UMAD1: variants seen among roughly 807,000 people sequenced by gnomAD.
The protein encoded by UMAD1 is UBAP1-MVB12-associated (UMA)-domain containing protein 1.
Under a neutral mutation model 6.1 loss-of-function variants are expected in UMAD1, and 8 were observed. The ratio of observed to expected loss-of-function variants is 1.30; its 90% CI spans 0.76 to 2.35. UMAD1 has a LOEUF of 2.35. UMAD1 is among the 30% of genes most tolerant of loss of function. UMAD1 has a pLI of 0.00. For missense variants in UMAD1, 130 were observed against 78.4 expected (o/e 1.66, Z -2.49); for synonymous variants, 56 against 31.4 (o/e 1.78, Z -2.61).
chr7:7,788,374 C>A (rs149841216), intron 2 of UMAD1, among the ~76,000 whole-genome samples: 1 of 152,128 alleles, frequency 6.6e-6, no homozygotes, highest in Non-Finnish European at 1.5e-5. Context: ...TCTCTATCAT[C>A]ACATTTTACT....
chr7:7,681,343 A>G (rs1235184160), intron 2 of UMAD1, among the ~76,000 whole-genome samples: 1 of 152,192 alleles, frequency 6.6e-6, no homozygotes, highest in Non-Finnish European at 1.5e-5. Flanking sequence ...GAATCAACAC[A>G]TCATGACTTG....
chr7:7,711,788 C>T (rs1047107765), intron 2 of UMAD1, among the ~76,000 whole-genome samples: 1 of 151,984 alleles, frequency 6.6e-6, no homozygotes, highest in Non-Finnish European at 1.5e-5. Flanking sequence ...AATGAAGAGA[C>T]ATTTTGATGT....
chr7:7,656,997 T>C (rs567252502), intron 1 of UMAD1, among the ~76,000 whole-genome samples: 1 of 152,332 alleles, frequency 6.6e-6, no homozygotes, highest in South Asian at 2.1e-4. Context: ...GACTTTTTAA[T>C]GATCACCATT....
intron 1 of UMAD1, among the ~76,000 whole-genome samples, chr7:7,645,282 T>C (rs1366957535): frequency 1.3e-5 from 2 of 152,218 alleles, no homozygotes; most frequent in African/African-American, 4.8e-5. Context: ...TAAGTCAAGA[T>C]GGGGTTTAGC....
intron 2 of UMAD1, among the ~76,000 whole-genome samples, chr7:7,739,169 G>A (rs1267890424): frequency 1.7e-4 from 26 of 152,204 alleles, no homozygotes; most frequent in Admixed American, 1.7e-3. Flanking sequence ...TAGGAAATTA[G>A]CATAGTTTGT....
rs182760996 is a variant in UMAD1, at chr7:7,697,728, C to T, written c.82+24275C>T. 9.3e-4 allele frequency among the ~76,000 whole-genome samples: 141 copies of T among 152,260 alleles called. 1 individual carries two copies. The highest frequency in any genetic ancestry group is 1.7e-3 in the Non-Finnish European group (119 of 68,012). On this transcript the variant is annotated intron_variant, in intron 2 of 3. Coordinates refer to ENST00000682710, the MANE Select transcript of UMAD1 (RefSeq NM_001302348.2). ...TAAAATGCTTTAAATTATGGATCAT[C>T]AGGTAGTAAACTGGAGGATATGAGA... is the stretch of plus-strand genomic sequence containing the variant.
At chr7:7,716,820 C>T (rs138117365) in intron 2 of UMAD1, among the ~76,000 whole-genome samples, 2 of 152,230 alleles carry the variant, frequency 1.3e-5, no homozygotes, top group African/African-American at 4.8e-5. Flanking sequence ...GTGGCGGGCG[C>T]CCATAATCCC....
intron 2 of UMAD1, among the ~76,000 whole-genome samples, chr7:7,792,842 G>A (rs2115265429): frequency 6.6e-6 from 1 of 152,252 alleles, no homozygotes; most frequent in South Asian, 2.1e-4. Context: ...GCACTTTTTG[G>A]TTCGTAGAAG....
intron 3 of UMAD1, among the ~76,000 whole-genome samples, chr7:7,837,472 A>G (rs1321528220): frequency 6.6e-6 from 1 of 152,160 alleles, no homozygotes; most frequent in African/African-American, 2.4e-5. Flanking sequence ...TAGAGAAGTG[A>G]TTAGAGTGAA....
chr7:7,778,129 C>G (rs1290914096), intron 2 of UMAD1, among the ~76,000 whole-genome samples: 2 of 152,062 alleles, frequency 1.3e-5, no homozygotes, highest in Non-Finnish European at 1.5e-5. Flanking sequence ...ATTAGGTTCT[C>G]TGAAAAAGGC....
At chr7:7,779,006 G>A (rs1226739074) in intron 2 of UMAD1, among the ~76,000 whole-genome samples, 1 of 152,116 alleles carries the variant, frequency 6.6e-6, no homozygotes, top group Non-Finnish European at 1.5e-5. Context: ...TCATTTTTCA[G>A]ATAGGGAAAC....
chr7:7,813,439 C>G (rs1375261259), intron 3 of UMAD1, among the ~76,000 whole-genome samples: 2 of 152,158 alleles, frequency 1.3e-5, no homozygotes, highest in South Asian at 2.1e-4. Context: ...CTCCTGACCT[C>G]ATGATCCGCC....
At position 7,879,152 on chromosome 7, in the gene UMAD1, C is replaced by G. The variant is rs1563283107; in HGVS notation, c.*1614C>G. 1 of 151,926 alleles carries G rather than the reference C, an allele frequency of 6.6e-6. No individual in the cohort carries two copies. Among genetic ancestry groups the G allele is most frequent in the Non-Finnish European group, 1.5e-5 (1 of 67,978 alleles). 9.4% of individuals were successfully genotyped at this position (151,926 alleles called of 1,614,324 possible). A position where few individuals can be genotyped will look rare whatever the true frequency, so the allele number is the denominator to read the frequency against. The stretch of plus-strand genomic sequence containing the variant: ...AATGTTCATAAGTACCTTCATGTGT[C>G]TATAAAAAATGTTATATTTAAATAA... On this transcript the variant is annotated 3_prime_UTR_variant, in exon 4 of 4. Transcript: ENST00000682710.
chr7:7,844,400 T>C (rs1211080888), intron 3 of UMAD1, among the ~76,000 whole-genome samples: 1 of 152,172 alleles, frequency 6.6e-6, no homozygotes, highest in Admixed American at 6.6e-5. Flanking sequence ...CCTGGTTGTT[T>C]TAAAGTGTCC....
Position 7,770,643 on chromosome 7 carries a change from TAATTAC to T in UMAD1, c.83-31022_83-31017del, listed in dbSNP as rs1283033518. On this transcript the variant is annotated intron_variant, in intron 2 of 3. Transcript: ENST00000682710. ...TTGAAAGGCATCTAGGAGGTAGGATTAATTACAATTTGACATTCAGTGATTATGAGA... is the reference window on the plus strand; with the variant it reads ...TTGAAAGGCATCTAGGAGGTAGGATTAATTTGACATTCAGTGATTATGAGA... Among the ~76,000 whole-genome samples the T allele has an allele frequency of 2.6e-5, 4 of 152,258 alleles. No individual in the cohort carries two copies. In the East Asian group the frequency reaches 5.8e-4, roughly 22 times the overall value.
intron 3 of UMAD1, among the ~76,000 whole-genome samples, chr7:7,842,876 G>A (rs73343517): frequency 0.016 from 2,450 of 152,282 alleles, 63 homozygotes; most frequent in African/African-American, 0.055. Flanking sequence ...TAAAAAGGTA[G>A]ACAGTGTCCA....
intron 2 of UMAD1, among the ~76,000 whole-genome samples, chr7:7,778,983 A>G (rs1374786639): frequency 6.6e-6 from 1 of 152,160 alleles, no homozygotes; most frequent in Non-Finnish European, 1.5e-5. Context: ...TTATCAGTCT[A>G]TTATTATCTT....
intron 3 of UMAD1, among the ~76,000 whole-genome samples, chr7:7,854,048 G>A (rs1783968930): frequency 6.6e-6 from 1 of 152,032 alleles, no homozygotes. Flanking sequence ...ACCTGAGATT[G>A]GACAATTTAT....
chr7:7,862,737 C>G (rs997688885), intron 3 of UMAD1, among the ~76,000 whole-genome samples: 2 of 152,170 alleles, frequency 1.3e-5, no homozygotes, highest in Non-Finnish European at 2.9e-5. Flanking sequence ...TATAGCGGCA[C>G]AGTCTTTATT....
Sources: allele counts gnomAD v4.1 joint callset (sites outside exome capture counted in the v4.1 genomes callset), GRCh38; gene constraint gnomAD v4.1.1; transcripts MANE v1.5; gene names NCBI Gene and HGNC (gene_info 2026-07-23, HGNC 2026-07-21).